The following SEL1L3 variants were observed in gnomAD, a reference collection of about 807,000 sequenced individuals.
The protein encoded by SEL1L3 is SEL1L family member 3.
Under a neutral mutation model 142.8 loss-of-function variants are expected in SEL1L3, and 76 were observed. The ratio of observed to expected loss-of-function variants is 0.53; its 90% CI spans 0.44 to 0.64. The LOEUF (loss-of-function observed/expected upper bound fraction) is 0.64. Among genes scored for constraint, SEL1L3 ranks in the 30% least tolerant of loss-of-function variants. The probability of loss-of-function intolerance (pLI) is 0.00; values close to 1 mark genes in which losing one functional copy is unlikely to be tolerated. For missense variants in SEL1L3, 1,262 were observed against 1,381.7 expected (o/e 0.91, Z 1.37); for synonymous variants, 504 against 519.6 (o/e 0.97, Z 0.41).
chr4:25,774,008 A>T (rs1719422506), intron 17 of SEL1L3, among the ~76,000 whole-genome samples: 1 of 152,190 alleles, frequency 6.6e-6, no homozygotes, highest in East Asian at 1.9e-4. Context: ...CCCTTGAGCT[A>T]TAATTGTTCC....
intron 20 of SEL1L3, among the ~76,000 whole-genome samples, chr4:25,761,369 TGGTCTC>T (rs1359201949): frequency 6.6e-6 from 1 of 152,224 alleles, no homozygotes; most frequent in African/African-American, 2.4e-5. Flanking sequence ...TCAGCCAGGC[TGGTCTC>T]GACCTTCTGA....
intron 23 of SEL1L3, among the ~76,000 whole-genome samples, chr4:25,748,796 G>A (rs887266724): frequency 1.2e-4 from 18 of 152,170 alleles, no homozygotes; most frequent in African/African-American, 3.1e-4. Flanking sequence ...TCCAAGTGCC[G>A]ATGCTCATTC....
chr4:25,847,432 C>T lies in SEL1L3; in HGVS notation c.595G>A (p.Ala199Thr), dbSNP rs200055955. The T allele has an allele frequency of 9.7e-5, 157 of 1,613,866 alleles. No homozygotes were observed. Among genetic ancestry groups the T allele is most frequent in the Non-Finnish European group, 1.2e-4 (146 of 1,179,896 alleles). Residue 199 changes from alanine (A) to threonine (T), a missense_variant, in exon 2 of 24, where the codon GCA becomes ACA. Ala to Thr is a moderately conservative substitution (Grantham distance 58). This residue lies in a region of SEL1L3 where 689 missense variants were observed against 692.8 expected (regional missense o/e 0.99). Coordinates refer to ENST00000399878, the MANE Select transcript of SEL1L3 (RefSeq NM_015187.5). The part of the protein sequence containing the change: ...KWEENLLHAV[A>T]KNYTLLQTIP... Reference sequence around the variant, plus strand: ...GTCTGCAGGAGGGTATAATTCTTTGCTACAGCATGGAGCAAGTTTTCCTCC... The same window carrying T: ...GTCTGCAGGAGGGTATAATTCTTTGTTACAGCATGGAGCAAGTTTTCCTCC...
chr4:25,714,500 T>TTTTC, the SEL1L3 span, among the ~76,000 whole-genome samples: 10,553 of 108,356 alleles, frequency 0.097, 455 homozygotes, highest in East Asian at 0.14. Context: ...CTTTCTTTCT[T>TTTTC]TTTCTTTCTT....
At chr4:25,774,592 G>A (rs1190029485) in intron 17 of SEL1L3, among the ~76,000 whole-genome samples, 1 of 152,224 alleles carries the variant, frequency 6.6e-6, no homozygotes, top group Non-Finnish European at 1.5e-5. Flanking sequence ...CAGGTGAGGT[G>A]GCTCATGCCT....
intron 11 of SEL1L3, among the ~76,000 whole-genome samples, chr4:25,792,257 G>T (rs943412623): frequency 3.3e-5 from 5 of 151,630 alleles, no homozygotes; most frequent in African/African-American, 1.2e-4. Flanking sequence ...AGGTATCACT[G>T]TCCCCAGTTT....
At chr4:25,742,378 G>T in the SEL1L3 span, among the ~76,000 whole-genome samples, 18 of 152,176 alleles carry the variant, frequency 1.2e-4, no homozygotes, top group African/African-American at 4.1e-4. Flanking sequence ...TAGAGATGGG[G>T]TTTCACCATG....
At chr4:25,796,839 CT>C (rs1712794594) in intron 11 of SEL1L3, among the ~76,000 whole-genome samples, 1 of 150,424 alleles carries the variant, frequency 6.6e-6, no homozygotes, top group African/African-American at 2.5e-5. Flanking sequence ...AAAATATTTC[CT>C]TTCTAAGTCC....
intron 11 of SEL1L3, among the ~76,000 whole-genome samples, chr4:25,797,529 C>T (rs1429060329): frequency 1.3e-5 from 2 of 152,200 alleles, no homozygotes; most frequent in Non-Finnish European, 2.9e-5. Context: ...GACAGGGAAG[C>T]AAACTGCCAA....
the SEL1L3 span, among the ~76,000 whole-genome samples, chr4:25,728,860 C>CAAAAAA: frequency 3.2e-5 from 3 of 95,118 alleles, no homozygotes; most frequent in Non-Finnish European, 7.0e-5. Flanking sequence ...AGACTTGTGT[C>CAAAAAA]AAAAAAAAAA....
intron 6 of SEL1L3, among the ~76,000 whole-genome samples, chr4:25,824,463 G>A (rs1309323232): frequency 1.3e-5 from 2 of 152,226 alleles, no homozygotes; most frequent in Non-Finnish European, 2.9e-5. Flanking sequence ...TTGTTATGAA[G>A]ATGAAATAAA....
intron 17 of SEL1L3, among the ~76,000 whole-genome samples, chr4:25,771,860 G>A (rs1458370366): frequency 6.6e-6 from 1 of 152,218 alleles, no homozygotes. Context: ...GACAGCCTCA[G>A]GCATGACAAC....
chr4:25,765,290 G>A (rs753300220), intron 20 of SEL1L3, 36 bp downstream of exon 20: 14 of 1,433,292 alleles, frequency 9.8e-6, no homozygotes, highest in African/African-American at 7.0e-5. Context: ...CACCGTGCCC[G>A]GCCAAGAGCT....
At chr4:25,853,831 C>T (rs949552602) in intron 1 of SEL1L3, among the ~76,000 whole-genome samples, 1 of 151,880 alleles carries the variant, frequency 6.6e-6, no homozygotes, top group African/African-American at 2.4e-5. Flanking sequence ...GCCAACATGC[C>T]CAGCTAATTT....
At chr4:25,798,268 C>T (rs1406130472) in intron 11 of SEL1L3, among the ~76,000 whole-genome samples, 1 of 152,122 alleles carries the variant, frequency 6.6e-6, no homozygotes, top group African/African-American at 2.4e-5. Context: ...ATCAACATCT[C>T]TAGAATGGGC....
intron 23 of SEL1L3, among the ~76,000 whole-genome samples, chr4:25,754,308 T>C (rs2109114404): frequency 6.7e-6 from 1 of 149,770 alleles, no homozygotes; most frequent in East Asian, 2.0e-4. Flanking sequence ...ATCTCAAAAA[T>C]ATATAAAATA....
At chr4:25,720,805 G>A in the SEL1L3 span, 1 of 152,210 alleles carries the variant, frequency 6.6e-6, no homozygotes, top group East Asian at 1.9e-4. Flanking sequence ...GTGATGGATA[G>A]TGCTTGAAGT....
chr4:25,818,496 G>A (rs1242609125), intron 8 of SEL1L3, among the ~76,000 whole-genome samples: 1 of 152,184 alleles, frequency 6.6e-6, no homozygotes, highest in African/African-American at 2.4e-5. Context: ...GCTGATGGCT[G>A]TTGAATAATT....
At chr4:25,714,484 CTTTCTCTTTCTTTCTTTTTCTTTCTT>C in the SEL1L3 span, among the ~76,000 whole-genome samples, 6 of 121,224 alleles carry the variant, frequency 4.9e-5, no homozygotes, top group African/African-American at 2.4e-4. Context: ...TGCTTTCTTT[CTTTCTCTTTCTTTCTTTTTCTTTCTT>C]TCTTTCTTTC....
Sources: gnomAD v4.1 joint callset for allele counts (sites outside exome capture counted in the v4.1 genomes callset) on GRCh38, gnomAD v4.1.1 for gene constraint, gnomAD v4.1.1 regional missense constraint, MANE v1.5 for transcripts, NCBI Gene and HGNC (gene_info 2026-07-23, HGNC 2026-07-21) for gene names.